RNF175: variants seen among roughly 807,000 people sequenced by gnomAD.
RNF175 encodes ring finger protein 175.
A neutral mutation model predicts 50.0 loss-of-function variants in RNF175; 38 were observed. That is an observed-to-expected ratio of 0.76 (90% confidence interval 0.59 to 1.00). The LOEUF is 1.00. Among genes scored for constraint, RNF175 ranks in the 50% least tolerant of loss-of-function variants. RNF175 has a pLI of 0.00. For missense variants in RNF175, 388 were observed against 409.6 expected (o/e 0.95, Z 0.46); for synonymous variants, 155 against 146.1 (o/e 1.06, Z -0.44).
intron 2 of RNF175, among the ~76,000 whole-genome samples, chr4:153,749,491 C>T (rs2127158775): frequency 6.6e-6 from 1 of 152,260 alleles, no homozygotes; most frequent in South Asian, 2.1e-4. Flanking sequence ...TAAATTGTTA[C>T]AGGACTATAA....
intron 2 of RNF175, among the ~76,000 whole-genome samples, chr4:153,749,612 A>G (rs1056529538): frequency 3.9e-5 from 6 of 152,256 alleles, no homozygotes; most frequent in African/African-American, 1.4e-4. Flanking sequence ...TTGTAGAGAA[A>G]ATCAACAAAA....
chr4:153,717,974 G>A (rs896611783), intron 6 of RNF175, among the ~76,000 whole-genome samples: 2 of 152,094 alleles, frequency 1.3e-5, no homozygotes. Context: ...ACACAGAAGA[G>A]TTTCACCACT....
At position 153,759,900 on chromosome 4, in the gene RNF175, GC is replaced by G; in HGVS notation, c.-39del. 7.8e-7 allele frequency: 1 copy of G among 1,285,554 alleles called. No individual in the cohort carries two copies. The highest frequency in any genetic ancestry group is 1.0e-6 in the Non-Finnish European group (1 of 998,512). 79.6% of individuals were successfully genotyped at this position (1,285,554 alleles called of 1,614,324 possible). On this transcript the variant is annotated 5_prime_UTR_variant, in exon 1 of 9. Coordinates refer to ENST00000347063, the MANE Select transcript of RNF175 (RefSeq NM_173662.4). ...GTGCCTTCTCCAGGGCACAGCGCCT[GC>G]CGGGGAGGGTCCCGCAGAGTCCGCA... is the stretch of plus-strand genomic sequence containing the variant.
chr4:153,751,421 A>G lies in RNF175; in HGVS notation c.104+17T>C. On this transcript the variant is annotated intron_variant, in intron 2 of 8. Transcript: ENST00000347063. ...AATTTTTAGCAAAACAACTCTTAAA[A>G]AATACTAATTACTTACTTCCATGTG... The G allele has an allele frequency of 1.3e-6, 2 of 1,514,042 alleles. No individual in the cohort carries two copies. The highest frequency in any genetic ancestry group is 1.3e-5 in the South Asian group (1 of 79,528). The allele number at this position is 1,514,042 out of a possible 1,614,324, so 93.8% of individuals were successfully genotyped here.
chr4:153,750,311 GTGGGT>G (rs1740215453), intron 2 of RNF175, among the ~76,000 whole-genome samples: 1 of 152,294 alleles, frequency 6.6e-6, no homozygotes, highest in African/African-American at 2.4e-5. Context: ...TGATGGGTAT[GTGGGT>G]TGGGTTCTCT....
intron 8 of RNF175, among the ~76,000 whole-genome samples, chr4:153,711,280 G>A (rs1291259592): frequency 6.6e-6 from 1 of 152,092 alleles, no homozygotes; most frequent in African/African-American, 2.4e-5. Flanking sequence ...CAGGAAGGTG[G>A]AAGGATCATC....
intron 3 of RNF175, among the ~76,000 whole-genome samples, chr4:153,731,705 A>G (rs568387379): frequency 6.6e-6 from 1 of 151,884 alleles, no homozygotes; most frequent in African/African-American, 2.4e-5. Flanking sequence ...GGAAGGAAGG[A>G]AGGAAACAAG....
rs753340647 is a variant in RNF175, at chr4:153,728,269, G to A, written c.339C>T (p.Ser113=). ...TGAAGAGGATGTAACTGGTAATAACGGAGAACATCCCCCACATAGACAGAA... is the reference window on the plus strand; with the variant it reads ...TGAAGAGGATGTAACTGGTAATAACAGAGAACATCCCCCACATAGACAGAA... The part of the protein sequence containing the change: ...WRFLSMWGMF[S]VITSYILFRA... Residue 113 remains serine, a synonymous_variant, in exon 4 of 9, where the codon TCC becomes TCT. Transcript: ENST00000347063. The A allele has an allele frequency of 1.3e-5, 21 of 1,613,182 alleles. No individual in the cohort carries two copies. The East Asian group carries it at 2.2e-4, about 17-fold the overall frequency.
intron 1 of RNF175, among the ~76,000 whole-genome samples, chr4:153,757,440 C>A (rs1740621208): frequency 6.6e-6 from 1 of 152,156 alleles, no homozygotes; most frequent in Non-Finnish European, 1.5e-5. Context: ...TCACAAAACC[C>A]ACCTGTTAGA....
chr4:153,722,947 G>T (rs1028076708), intron 5 of RNF175, among the ~76,000 whole-genome samples: 5 of 152,112 alleles, frequency 3.3e-5, no homozygotes, highest in Admixed American at 6.5e-5. Flanking sequence ...AGTCACATGA[G>T]CTAGTGGCTA....
intron 1 of RNF175, among the ~76,000 whole-genome samples, chr4:153,758,895 G>A (rs1740685577): frequency 1.3e-5 from 2 of 152,186 alleles, no homozygotes; most frequent in South Asian, 4.1e-4. Flanking sequence ...CGCCCTCACG[G>A]GTTGGAGGAG....
At chr4:153,751,393 T>G in intron 2 of RNF175, 45 bp downstream of exon 2, 1 of 1,327,946 alleles carries the variant, frequency 7.5e-7, no homozygotes. Flanking sequence ...AAGATAAAAA[T>G]CTAATTTTTA....
At chr4:153,719,910 A>C (rs72731650) in intron 6 of RNF175, among the ~76,000 whole-genome samples, 21 of 152,336 alleles carry the variant, frequency 1.4e-4, no homozygotes, top group Non-Finnish European at 2.9e-4. Flanking sequence ...CAATAACATA[A>C]ATAATTTGCG....
At chr4:153,723,952 C>T (rs973818131) in intron 4 of RNF175, among the ~76,000 whole-genome samples, 5 of 152,084 alleles carry the variant, frequency 3.3e-5, no homozygotes, top group African/African-American at 1.2e-4. Context: ...CAGATATCAC[C>T]AGTAGTGGGC....
chr4:153,729,830 G>C, intron 3 of RNF175: 1 of 984,234 alleles, frequency 1.0e-6, no homozygotes, highest in Non-Finnish European at 1.2e-6. Flanking sequence ...TGAGGAGTTC[G>C]GGAACAAATC....
intron 1 of RNF175, 94 bp from the exon 2 acceptor site, chr4:153,751,569 A>G (rs1273361557): frequency 3.6e-6 from 3 of 823,006 alleles, no homozygotes; most frequent in African/African-American, 3.5e-5. Context: ...ACCATGAAAA[A>G]TAACAATGTC....
intron 3 of RNF175, among the ~76,000 whole-genome samples, chr4:153,742,259 T>G (rs1303757788): frequency 9.1e-6 from 1 of 110,386 alleles, no homozygotes; most frequent in Non-Finnish European, 1.7e-5. Flanking sequence ...GGTGACAGAG[T>G]GAGCTTCTGT....
chr4:153,719,006 T>C (rs1738157860), intron 6 of RNF175, among the ~76,000 whole-genome samples: 1 of 152,212 alleles, frequency 6.6e-6, no homozygotes, highest in South Asian at 2.1e-4. Context: ...CATGCAGGTT[T>C]GTTGCATAGG....
intron 3 of RNF175, among the ~76,000 whole-genome samples, chr4:153,732,479 A>C (rs1318542354): frequency 6.6e-6 from 1 of 152,230 alleles, no homozygotes; most frequent in Non-Finnish European, 1.5e-5. Flanking sequence ...AGCAGACACA[A>C]TGCTTTATTG....
Sources: allele counts gnomAD v4.1 joint callset (sites outside exome capture counted in the v4.1 genomes callset), GRCh38; gene constraint gnomAD v4.1.1; transcripts MANE v1.5; gene names NCBI Gene and HGNC (gene_info 2026-07-23, HGNC 2026-07-21).